The following NTM variants were observed in gnomAD, a reference collection of about 807,000 sequenced individuals.
NTM encodes neurotrimin.
A neutral mutation model predicts 42.1 loss-of-function variants in NTM; 13 were observed. The ratio of observed to expected loss-of-function variants is 0.31; its 90% CI spans 0.20 to 0.49. NTM has a LOEUF of 0.49. Ranked by LOEUF, NTM falls within the 20% of genes least tolerant of loss-of-function variation. The pLI, the probability that NTM is intolerant of heterozygous loss-of-function variation, is 0.99. For synonymous variants in NTM, 187 were observed against 179.2 expected (o/e 1.04, Z -0.35); for missense variants, 373 against 452.8 (o/e 0.82, Z 1.60).
chr11:131,374,881 G>A (rs1941751552), intron 1 of NTM, among the ~76,000 whole-genome samples: 1 of 152,156 alleles, frequency 6.6e-6, no homozygotes, highest in Non-Finnish European at 1.5e-5. Flanking sequence ...TTCAATCATA[G>A]TAGAGGCACA....
chr11:131,818,365 T>C (rs2136381992), intron 1 of NTM, among the ~76,000 whole-genome samples: 1 of 152,250 alleles, frequency 6.6e-6, no homozygotes, highest in South Asian at 2.1e-4. Flanking sequence ...CCTAGTGACA[T>C]AGACTAAAAT....
intron 1 of NTM, among the ~76,000 whole-genome samples, chr11:131,910,615 G>T (rs1007970599): frequency 6.6e-6 from 1 of 150,648 alleles, no homozygotes; most frequent in Non-Finnish European, 1.5e-5. Flanking sequence ...CGCGCGCGTC[G>T]GGGCTGCTCC....
intron 2 of NTM, among the ~76,000 whole-genome samples, chr11:132,102,826 C>A (rs2136586186): frequency 6.6e-6 from 1 of 152,318 alleles, no homozygotes; most frequent in African/African-American, 2.4e-5. Flanking sequence ...CCCCTTGCTC[C>A]CAATCTGCAA....
chr11:132,002,579 C>A lies in NTM; in HGVS notation c.167+90931C>A, dbSNP rs137949696. Among the ~76,000 whole-genome samples, 4 of 152,268 alleles carry A rather than the reference C, an allele frequency of 2.6e-5. No individual in the cohort carries two copies. The highest frequency in any genetic ancestry group is 9.6e-5 in the African/African-American group (4 of 41,558). On this transcript the variant is annotated intron_variant, in intron 2 of 8. Transcript: ENST00000683400. This position sits in a 1 kb window ranked among gnomAD's most constrained non-coding sequence, Gnocchi z 4.5. ...GTCCCCCAAATTGGAGGCTTCTGGC[C>A]ATTGCTTGAATAACTTTCTGCCTCT...
intron 2 of NTM, among the ~76,000 whole-genome samples, chr11:131,912,373 G>A (rs1055973925): frequency 6.6e-6 from 1 of 152,260 alleles, no homozygotes; most frequent in East Asian, 1.9e-4. Flanking sequence ...TGTTGGGTTG[G>A]GTCCTGATTG....
intron 4 of NTM, among the ~76,000 whole-genome samples, chr11:132,306,812 C>T (rs530211759): frequency 1.3e-5 from 2 of 152,284 alleles, no homozygotes; most frequent in East Asian, 3.9e-4. Context: ...GGCAAGGAAG[C>T]GAAGGCTCAG....
chr11:132,204,652 T>C (rs1484003950), intron 3 of NTM, among the ~76,000 whole-genome samples: 3 of 151,872 alleles, frequency 2.0e-5, no homozygotes, highest in Non-Finnish European at 4.4e-5. Flanking sequence ...GCCAGCAGGG[T>C]GAGGAAGGGA....
Position 131,873,686 on chromosome 11 carries a change from TATATACACAC to T in NTM, c.83-37872_83-37863del, listed in dbSNP as rs1486123669. Among the ~76,000 whole-genome samples the T allele has an allele frequency of 2.0e-3, 265 of 130,010 alleles. 14 individuals carry two copies. Among genetic ancestry groups the T allele is most frequent in the African/African-American group, 9.6e-3 (256 of 26,802 alleles). The allele number at this position is 130,010 out of a possible 152,430, so 85.3% of individuals were successfully genotyped here. On this transcript the variant is annotated intron_variant, in intron 1 of 8. Coordinates refer to ENST00000683400, the MANE Select transcript of NTM (RefSeq NM_001352005.2). Reference sequence around the variant, plus strand: ...ATACACATATATATATACACACATATATATACACACATATATATATATACACACACACACT... The same window carrying T: ...ATACACATATATATATACACACATATATATATATATATACACACACACACT...
intron 4 of NTM, among the ~76,000 whole-genome samples, chr11:132,240,167 C>G (rs1311921995): frequency 2.0e-5 from 3 of 152,300 alleles, no homozygotes; most frequent in South Asian, 4.1e-4. Flanking sequence ...AAAGTAAAAA[C>G]AAATGAGACA....
intron 1 of NTM, among the ~76,000 whole-genome samples, chr11:131,905,451 C>A (rs763671042): frequency 1.3e-5 from 2 of 152,160 alleles, no homozygotes; most frequent in Admixed American, 6.5e-5. Flanking sequence ...TCTGCTCATG[C>A]TCCTTTCCGT....
At chr11:131,753,170 G>A (rs900643219) in intron 1 of NTM, among the ~76,000 whole-genome samples, 2 of 152,130 alleles carry the variant, frequency 1.3e-5, no homozygotes, top group Admixed American at 1.3e-4. Context: ...TCAGAGAAAT[G>A]CAAATCAAAA....
At chr11:131,656,178 G>A (rs1158585291) in intron 1 of NTM, among the ~76,000 whole-genome samples, 1 of 152,218 alleles carries the variant, frequency 6.6e-6, no homozygotes, top group African/African-American at 2.4e-5. Flanking sequence ...AGAAGGCTTT[G>A]CATTCCAGTA....
At chr11:131,674,892 T>C (rs1016631434) in intron 1 of NTM, among the ~76,000 whole-genome samples, 2 of 152,248 alleles carry the variant, frequency 1.3e-5, no homozygotes, top group African/African-American at 4.8e-5. Flanking sequence ...TTTGGTCTTA[T>C]ATTCTCCCTT....
intron 1 of NTM, among the ~76,000 whole-genome samples, chr11:131,519,918 C>G (rs1462047519): frequency 6.6e-6 from 1 of 150,450 alleles, no homozygotes; most frequent in South Asian, 2.1e-4. Context: ...TCATAGGAGG[C>G]TGCATCTTTA....
rs58622072 is a variant in NTM at position 131,765,387 on chromosome 11, G to A, written c.83-146177G>A. Among the ~76,000 whole-genome samples, 747 of 152,170 alleles carry A rather than the reference G, an allele frequency of 4.9e-3. 3 individuals are homozygous for A. The highest frequency in any genetic ancestry group is 0.015 in the African/African-American group (611 of 41,520). ...AGGGCGCCACACCTTCTGAGGCTAC[G>A]CCAGGTTCAACCCCCATCTCTCTAG... On this transcript the variant is annotated intron_variant, in intron 1 of 8. Transcript: ENST00000683400.
At chr11:131,671,221 A>T (rs1283497654) in intron 1 of NTM, among the ~76,000 whole-genome samples, 1 of 152,138 alleles carries the variant, frequency 6.6e-6, no homozygotes. Flanking sequence ...TATGGATGCC[A>T]GGAGGGAGCC....
chr11:131,781,356 T>C (rs909047726), intron 1 of NTM, among the ~76,000 whole-genome samples: 1 of 152,002 alleles, frequency 6.6e-6, no homozygotes, highest in African/African-American at 2.4e-5. Context: ...TCATACTGAA[T>C]AGGAGTAATA....
intron 1 of NTM, among the ~76,000 whole-genome samples, chr11:131,791,228 A>G (rs2090890327): frequency 6.6e-6 from 1 of 152,190 alleles, no homozygotes; most frequent in Admixed American, 6.5e-5. Flanking sequence ...TAAAGTAGTA[A>G]GGTGTATGAT....
At chr11:131,690,385 C>T (rs983237080) in intron 1 of NTM, among the ~76,000 whole-genome samples, 2 of 152,296 alleles carry the variant, frequency 1.3e-5, no homozygotes, top group African/African-American at 4.8e-5. Flanking sequence ...ACAAACACCC[C>T]GAGATCAGAT....
Sources: gnomAD v4.1 joint callset for allele counts (sites outside exome capture counted in the v4.1 genomes callset) on GRCh38, gnomAD v4.1.1 for gene constraint, Gnocchi (gnomAD v3.1) non-coding constraint, MANE v1.5 for transcripts, NCBI Gene and HGNC (gene_info 2026-07-23, HGNC 2026-07-21) for gene names.